The following LCE7A variants were observed in gnomAD, a reference collection of about 807,000 sequenced individuals.
The protein encoded by LCE7A is late cornified envelope protein 7A.
chr1:152,860,427 C>T, the LCE7A span, among the ~76,000 whole-genome samples: 58 of 152,184 alleles, frequency 3.8e-4, no homozygotes, highest in Middle Eastern at 3.4e-3. Flanking sequence ...CTACATAGTG[C>T]CCTAAGCAAC....
the LCE7A span, among the ~76,000 whole-genome samples, chr1:152,860,780 C>T: frequency 6.6e-6 from 1 of 152,228 alleles, no homozygotes; most frequent in Non-Finnish European, 1.5e-5. Context: ...ACCCCTCAGG[C>T]TCCTGCTTCA....
the LCE7A span, among the ~76,000 whole-genome samples, chr1:152,860,893 C>T: frequency 6.6e-6 from 1 of 152,202 alleles, no homozygotes; most frequent in Non-Finnish European, 1.5e-5. Context: ...CCGGTTTCCA[C>T]GATTCTACCT....
chr1:152,861,225 A>G, the LCE7A span, among the ~76,000 whole-genome samples: 1 of 152,202 alleles, frequency 6.6e-6, no homozygotes, highest in Non-Finnish European at 1.5e-5. Flanking sequence ...TGTGTGCTAA[A>G]ATAAAGCTTA....
the LCE7A span, among the ~76,000 whole-genome samples, chr1:152,861,159 T>C: frequency 6.6e-6 from 1 of 152,212 alleles, no homozygotes; most frequent in Admixed American, 6.5e-5. Context: ...TTGGCTGTGT[T>C]CCTAGATCAA....
At chr1:152,860,930 G>C in the LCE7A span, among the ~76,000 whole-genome samples, 1 of 152,178 alleles carries the variant, frequency 6.6e-6, no homozygotes, top group South Asian at 2.1e-4. Context: ...TCTGACTGCT[G>C]TGAGCACGAG....
the LCE7A span, among the ~76,000 whole-genome samples, chr1:152,860,761 T>C: frequency 1.3e-5 from 2 of 152,126 alleles, no homozygotes; most frequent in Admixed American, 1.3e-4. Flanking sequence ...CAAATATCCA[T>C]CCAAGTGGAC....
chr1:152,860,332 G>A, the LCE7A span, among the ~76,000 whole-genome samples: 173 of 152,248 alleles, frequency 1.1e-3, no homozygotes, highest in Non-Finnish European at 1.8e-3. Flanking sequence ...GAGAGGTGAC[G>A]TAACCATAGA....
the LCE7A span, among the ~76,000 whole-genome samples, chr1:152,860,750 C>G: frequency 6.6e-6 from 1 of 152,208 alleles, no homozygotes; most frequent in Non-Finnish European, 1.5e-5. Flanking sequence ...AAGTGCCTCC[C>G]CAAATATCCA....
the LCE7A span, among the ~76,000 whole-genome samples, chr1:152,860,930 G>A: frequency 1.3e-5 from 2 of 152,178 alleles, no homozygotes; most frequent in African/African-American, 4.8e-5. Flanking sequence ...TCTGACTGCT[G>A]TGAGCACGAG....
At chr1:152,860,600 C>T in the LCE7A span, among the ~76,000 whole-genome samples, 2 of 152,162 alleles carry the variant, frequency 1.3e-5, no homozygotes, top group African/African-American at 4.8e-5. Flanking sequence ...TGTAGAATTT[C>T]GGGCTCTGTA....
At chr1:152,860,118 G>T in the LCE7A span, among the ~76,000 whole-genome samples, 1 of 152,162 alleles carries the variant, frequency 6.6e-6, no homozygotes, top group Non-Finnish European at 1.5e-5. Flanking sequence ...AAGTTGGAGA[G>T]AATGGAAATT....
the LCE7A span, among the ~76,000 whole-genome samples, chr1:152,860,540 G>A: frequency 2.0e-5 from 3 of 152,168 alleles, no homozygotes; most frequent in East Asian, 3.9e-4. Flanking sequence ...TGTCAGGAAA[G>A]CAGGGCTGCT....
the LCE7A span, among the ~76,000 whole-genome samples, chr1:152,860,883 C>G: frequency 6.6e-6 from 1 of 152,308 alleles, no homozygotes; most frequent in African/African-American, 2.4e-5. Context: ...TAGTTTCACT[C>G]CGGTTTCCAC....
At chr1:152,860,578 CA>C in the LCE7A span, among the ~76,000 whole-genome samples, 1 of 152,136 alleles carries the variant, frequency 6.6e-6, no homozygotes, top group East Asian at 1.9e-4. Context: ...CTTCTGGAGC[CA>C]CATATTCAAC....
the LCE7A span, among the ~76,000 whole-genome samples, chr1:152,860,050 C>T: frequency 6.6e-6 from 1 of 152,168 alleles, no homozygotes; most frequent in African/African-American, 2.4e-5. Flanking sequence ...TTTTACTGAT[C>T]TGATGGCAGT....
chr1:152,860,243 G>A, the LCE7A span, among the ~76,000 whole-genome samples: 1 of 152,178 alleles, frequency 6.6e-6, no homozygotes, highest in Non-Finnish European at 1.5e-5. Flanking sequence ...TGTAGGGCAA[G>A]AGACAGCCAC....
chr1:152,861,122 T>C, the LCE7A span, among the ~76,000 whole-genome samples: 3 of 152,176 alleles, frequency 2.0e-5, no homozygotes, highest in African/African-American at 7.2e-5. Context: ...GCTCCCCCTT[T>C]TGCTGAGAAC....
chr1:152,860,807 C>T, the LCE7A span, among the ~76,000 whole-genome samples: 8 of 152,190 alleles, frequency 5.3e-5, no homozygotes, highest in Non-Finnish European at 1.2e-4. Flanking sequence ...GCTCCATGCC[C>T]CCCTCCAGCT....
chr1:152,860,805 C>G, the LCE7A span, among the ~76,000 whole-genome samples: 1 of 152,190 alleles, frequency 6.6e-6, no homozygotes, highest in Admixed American at 6.5e-5. Flanking sequence ...CAGCTCCATG[C>G]CCCCCTCCAG....
Sources: gnomAD v4.1 joint callset for allele counts (sites outside exome capture counted in the v4.1 genomes callset) on GRCh38, gnomAD v4.1.1 for gene constraint, MANE v1.5 for transcripts, NCBI Gene and HGNC (gene_info 2026-07-23, HGNC 2026-07-21) for gene names.